The following WWOX variants were observed in gnomAD, a reference collection of about 807,000 sequenced individuals.
WWOX encodes the protein WW domain containing oxidoreductase.
WWOX carries 69 observed loss-of-function variants against 46.2 expected under a neutral mutation model. The observed-to-expected ratio is 1.49, with a 90% CI of 1.23 to 1.82. The LOEUF is 1.82. Ranked by LOEUF, WWOX falls within the 40% of genes most tolerant of loss-of-function variation. The probability of loss-of-function intolerance (pLI) is 0.00; values close to 1 mark genes in which losing one functional copy is unlikely to be tolerated. For synonymous variants in WWOX, 359 were observed against 202.6 expected (o/e 1.77, Z -6.56); for missense variants, 919 against 542.6 (o/e 1.69, Z -6.89).
chr16:78,359,205 T>G (rs1463598954), intron 5 of WWOX, among the ~76,000 whole-genome samples: 3 of 152,236 alleles, frequency 2.0e-5, no homozygotes, highest in African/African-American at 7.2e-5. Context: ...TATTACTTGC[T>G]AGGTGAGCTG....
intron 8 of WWOX, among the ~76,000 whole-genome samples, chr16:78,739,723 A>C (rs1017905838): frequency 6.6e-6 from 1 of 152,178 alleles, no homozygotes; most frequent in Admixed American, 6.5e-5. Context: ...AGGCAGGAGA[A>C]TCGCTTGAAC....
intron 8 of WWOX, among the ~76,000 whole-genome samples, chr16:79,096,250 C>G (rs1419850586): frequency 6.6e-6 from 1 of 152,010 alleles, no homozygotes; most frequent in Non-Finnish European, 1.5e-5. Flanking sequence ...ACCAGAATCT[C>G]CTTTGAAAAT....
At chr16:78,588,605 T>C (rs2943766) in intron 8 of WWOX, among the ~76,000 whole-genome samples, 37,871 of 152,092 alleles carry the variant, frequency 0.25, 5,682 homozygotes, top group African/African-American at 0.41. Context: ...TACATGAGGA[T>C]ACTGAGGCTC....
In WWOX at chr16:78,341,800, C is replaced by G. The variant is rs78742714; in HGVS notation, c.517-45060C>G. 2.9e-3 allele frequency among the ~76,000 whole-genome samples: 350 copies of G among 120,626 alleles called. 80 individuals are homozygous for G. The highest frequency in any genetic ancestry group is 9.4e-3 in the African/African-American group (335 of 35,678). 79.1% of individuals were successfully genotyped at this position (120,626 alleles called of 152,430 possible). A position where few individuals can be genotyped will look rare whatever the true frequency, so the allele number is the denominator to read the frequency against. ...GATGAGTCCCTATTGGGTTTTGCCT[C>G]TCCACAATCTAGAGGAATATTTATG... On this transcript the variant is annotated intron_variant, in intron 5 of 8. Transcript: ENST00000566780.
At chr16:79,087,737 T>A (rs903691016) in intron 8 of WWOX, among the ~76,000 whole-genome samples, 2 of 152,214 alleles carry the variant, frequency 1.3e-5, no homozygotes, top group South Asian at 2.1e-4. Context: ...TGCAACACTT[T>A]CTCTGGAATT....
chr16:78,734,606 C>G (rs1457045569), intron 8 of WWOX, among the ~76,000 whole-genome samples: 2 of 151,960 alleles, frequency 1.3e-5, no homozygotes, highest in Admixed American at 6.6e-5. Context: ...CCTGTTTCAA[C>G]TTGATTAGGT....
rs529551165 is a variant in WWOX, at chr16:78,983,713, C to A, written c.1057-227895C>A. ...CTGAATGACTGCGTGGAGCACATCT[C>A]CTTCTGGTCAATAAGGCATTTCAGG... On this transcript the variant is annotated intron_variant, in intron 8 of 8. Coordinates refer to ENST00000566780, the MANE Select transcript of WWOX (RefSeq NM_016373.4). Among the ~76,000 whole-genome samples the A allele has an allele frequency of 3.9e-5, 6 of 152,254 alleles. No individual in the cohort carries two copies. The South Asian group carries it at 1.0e-3, about 26-fold the overall frequency.
chr16:78,993,511 G>A (rs563375491), intron 8 of WWOX, among the ~76,000 whole-genome samples: 1 of 152,270 alleles, frequency 6.6e-6, no homozygotes, highest in South Asian at 2.1e-4. Context: ...TCAGCACGCA[G>A]GAGCCTCAGT....
chr16:78,677,938 C>G (rs867267184), intron 8 of WWOX, among the ~76,000 whole-genome samples: 1 of 152,158 alleles, frequency 6.6e-6, no homozygotes, highest in African/African-American at 2.4e-5. Context: ...AATCTTTGCC[C>G]AAATATGTCC....
chr16:78,721,126 G>C (rs2048679414), intron 8 of WWOX, among the ~76,000 whole-genome samples: 1 of 152,138 alleles, frequency 6.6e-6, no homozygotes, highest in African/African-American at 2.4e-5. Flanking sequence ...TCCATAAACT[G>C]TTTTTCATGA....
intron 8 of WWOX, among the ~76,000 whole-genome samples, chr16:79,127,764 C>T (rs865809059): frequency 1.3e-5 from 2 of 152,302 alleles, no homozygotes; most frequent in South Asian, 2.1e-4. Context: ...CATTTCCTGA[C>T]TCCATGCTTT....
chr16:78,628,274 T>C (rs1161393608), intron 8 of WWOX, among the ~76,000 whole-genome samples: 1 of 152,192 alleles, frequency 6.6e-6, no homozygotes, highest in Non-Finnish European at 1.5e-5. Flanking sequence ...TGAGTGGTGC[T>C]AATGTTTCCT....
At chr16:79,186,254 C>G (rs1289226303) in intron 8 of WWOX, among the ~76,000 whole-genome samples, 1 of 152,116 alleles carries the variant, frequency 6.6e-6, no homozygotes, top group African/African-American at 2.4e-5. Context: ...AACTGCACAG[C>G]CTAGAGGGCT....
chr16:78,646,395 T>G (rs2046844177), intron 8 of WWOX, among the ~76,000 whole-genome samples: 1 of 152,142 alleles, frequency 6.6e-6, no homozygotes, highest in Non-Finnish European at 1.5e-5. Flanking sequence ...AGCCCTTCTT[T>G]CCTTAGCCTC....
chr16:78,877,238 T>C (rs558027629), intron 8 of WWOX, among the ~76,000 whole-genome samples: 5 of 152,236 alleles, frequency 3.3e-5, no homozygotes, highest in African/African-American at 1.2e-4. Context: ...GGCAAAATCG[T>C]CACAGTAGGA....
intron 8 of WWOX, chr16:79,205,532 A>C (rs1482378770): frequency 6.6e-6 from 1 of 152,200 alleles, no homozygotes; most frequent in Non-Finnish European, 1.5e-5. Context: ...TCTCCAGAAC[A>C]CTTTCTCACA....
chr16:79,067,442 TTGGGC>T, intron 8 of WWOX, among the ~76,000 whole-genome samples: 1 of 152,010 alleles, frequency 6.6e-6, no homozygotes, highest in African/African-American at 2.4e-5. Context: ...AACTCCACGT[TTGGGC>T]TTCCCTCCAC....
At chr16:78,775,125 T>G (rs2050157357) in intron 8 of WWOX, among the ~76,000 whole-genome samples, 2 of 152,170 alleles carry the variant, frequency 1.3e-5, no homozygotes, top group South Asian at 2.1e-4. Flanking sequence ...TGTGGCTGTA[T>G]TTTTAGAAGT....
chr16:78,259,844 C>T (rs2038230970), intron 5 of WWOX, among the ~76,000 whole-genome samples: 1 of 150,964 alleles, frequency 6.6e-6, no homozygotes, highest in African/African-American at 2.4e-5. Context: ...GATATATCCA[C>T]AAATTTATGT....
Sources: gnomAD v4.1 joint callset for allele counts (sites outside exome capture counted in the v4.1 genomes callset) on GRCh38, gnomAD v4.1.1 for gene constraint, MANE v1.5 for transcripts, NCBI Gene and HGNC (gene_info 2026-07-23, HGNC 2026-07-21) for gene names.